Variants in EFCAB12 observed in about 807,000 individuals in gnomAD.
EFCAB12 encodes the protein EF-hand calcium binding domain 12, also known as EF-hand calcium-binding domain-containing protein 12.
In EFCAB12, 43 loss-of-function variants were observed where a neutral mutation model predicts 53.6. The ratio of observed to expected loss-of-function variants is 0.80; its 90% CI spans 0.63 to 1.03. The LOEUF is 1.03. Ranked by LOEUF, EFCAB12 falls within the 50% of genes least tolerant of loss-of-function variation. EFCAB12 has a pLI of 0.00. For synonymous variants in EFCAB12, 269 were observed against 289.2 expected (o/e 0.93, Z 0.71); for missense variants, 646 against 730.6 (o/e 0.88, Z 1.34).
At chr3:129,424,509 T>C (rs2072228088) in intron 1 of EFCAB12, among the ~76,000 whole-genome samples, 1 of 152,222 alleles carries the variant, frequency 6.6e-6, no homozygotes, top group East Asian at 1.9e-4. Context: ...ATTGTAAGTT[T>C]CCTGAGGCCT....
chr3:129,402,688 C>A, intron 7 of EFCAB12, 109 bp from the exon 8 acceptor site: 1 of 1,063,502 alleles, frequency 9.4e-7, no homozygotes. Context: ...AAGTCTCAAA[C>A]GAGAGCTCTG....
chr3:129,401,947 T>A, intron 8 of EFCAB12, 96 bp from the exon 9 acceptor site: 1 of 1,484,454 alleles, frequency 6.7e-7, no homozygotes, highest in Non-Finnish European at 9.0e-7. Flanking sequence ...AAAGTGGAGA[T>A]TTAGCACTGT....
rs776508434 is a variant in EFCAB12, at chr3:129,415,306, G to A, written c.777C>T (p.Ala259=). The A allele has an allele frequency of 1.9e-6, 3 of 1,613,228 alleles. No individual in the cohort carries two copies. The highest frequency in any genetic ancestry group is 2.5e-6 in the Non-Finnish European group (3 of 1,179,834). The change falls in exon 4 of 9, where the codon GCC becomes GCT. Residue 259 remains alanine (A), a synonymous_variant. Coordinates refer to ENST00000505956, the MANE Select transcript of EFCAB12 (RefSeq NM_207307.3). ...CCATAGACCACTGCTTGTAGGTATT[G>A]GCCAGGATATCCATGGTGATGGTGT... ...KHNTITMDIL[A]NTYKQWSMAQ... is the part of the protein sequence containing the mutation.
At position 129,401,691 on chromosome 3, in the gene EFCAB12, G is replaced by C; in HGVS notation, c.1621C>G (p.Pro541Ala). 1 of 1,591,534 alleles carries C rather than the reference G, an allele frequency of 6.3e-7. No homozygotes were observed. Among genetic ancestry groups the C allele is most frequent in the Non-Finnish European group, 8.6e-7 (1 of 1,169,040 alleles). The change falls in exon 9 of 9, where the codon CCA (proline) becomes GCA (alanine). Residue 541 changes from proline to alanine, a missense_variant. Physicochemically the swap from Pro to Ala is conservative, Grantham distance 27 (BLOSUM62 -1). Transcript: ENST00000505956. ...CAGTGGTCAGGGTGGTAGGTGGCTG[G>C]GTAGACATGGGGCTGGTGTTGAACA... ...SCVQHQPHVY[P>A]ATYHPDHWWP... is the part of the protein sequence containing the mutation.
intron 1 of EFCAB12, 140 bp from the exon 2 acceptor site, chr3:129,421,943 C>A: frequency 1.1e-6 from 1 of 888,148 alleles, no homozygotes; most frequent in East Asian, 2.7e-5. Context: ...TTGCTGTAAT[C>A]GTAAGGATAA....
chr3:129,406,215 G>A (rs1033681607), intron 6 of EFCAB12, among the ~76,000 whole-genome samples: 2 of 152,074 alleles, frequency 1.3e-5, no homozygotes, highest in Admixed American at 6.5e-5. Context: ...TAAATAATCC[G>A]GAAAGGTGAG....
chr3:129,409,588 T>C (rs2072004039), intron 5 of EFCAB12, among the ~76,000 whole-genome samples: 1 of 152,174 alleles, frequency 6.6e-6, no homozygotes, highest in South Asian at 2.1e-4. Flanking sequence ...CACCACCTTG[T>C]TTTTTAACAA....
chr3:129,402,543 C>T lies in EFCAB12; in HGVS notation c.1440G>A (p.Lys480=). 1 of 1,613,076 alleles carries T rather than the reference C, an allele frequency of 6.2e-7. No individual in the cohort carries two copies. The highest frequency in any genetic ancestry group is 8.5e-7 in the Non-Finnish European group (1 of 1,179,464). ...TPKKSKKMRF[K]EFEEFTRKLK... ...CAGACCTGGTAAATTCCTCAAACTC[C>T]TTAAAGCGCATTTTCTTGCTTTTCT... The change falls in exon 8 of 9, where the codon AAG becomes AAA. Residue 480 remains lysine (K), a synonymous_variant. Coordinates refer to ENST00000505956, the MANE Select transcript of EFCAB12 (RefSeq NM_207307.3).
intron 1 of EFCAB12, among the ~76,000 whole-genome samples, chr3:129,424,766 C>G (rs1484158707): frequency 6.6e-6 from 1 of 152,162 alleles, no homozygotes; most frequent in Non-Finnish European, 1.5e-5. Context: ...TTGAGAATCC[C>G]CCAGGGCTTG....
chr3:129,408,769 G>A lies in EFCAB12; in HGVS notation c.1125C>T (p.Thr375=), dbSNP rs1448846074. Residue 375 remains threonine (T), a synonymous_variant, in exon 6 of 9, where the codon ACC becomes ACT. Coordinates refer to ENST00000505956, the MANE Select transcript of EFCAB12 (RefSeq NM_207307.3). The part of the protein sequence containing the change: ...RHFDEHCLPS[T]IHGDMRELID... ...TGAGCTCCCTCATATCCCCGTGGATGGTGGACGGGAGGCAGTGCTCATCAA... is the reference window on the plus strand; with the variant it reads ...TGAGCTCCCTCATATCCCCGTGGATAGTGGACGGGAGGCAGTGCTCATCAA... 1 of 1,580,452 alleles carries A rather than the reference G, an allele frequency of 6.3e-7. No homozygotes were observed. Among genetic ancestry groups the A allele is most frequent in the East Asian group, 2.3e-5 (1 of 43,132 alleles).
chr3:129,426,103 T>C (rs1435714799), intron 1 of EFCAB12, among the ~76,000 whole-genome samples: 3 of 152,208 alleles, frequency 2.0e-5, no homozygotes, highest in Non-Finnish European at 4.4e-5. Flanking sequence ...AATCTCTTGC[T>C]ATGTCCAATT....
intron 1 of EFCAB12, among the ~76,000 whole-genome samples, chr3:129,428,198 T>C (rs2072294194): frequency 1.3e-5 from 2 of 152,234 alleles, no homozygotes. Context: ...AATACATTAA[T>C]GTCCTGCAGA....
intron 7 of EFCAB12, chr3:129,403,225 C>G (rs146983985): frequency 1.3e-5 from 2 of 152,972 alleles, no homozygotes; most frequent in Non-Finnish European, 2.9e-5. Flanking sequence ...AGTCACAGCC[C>G]GTGTCATGGC....
chr3:129,404,431 C>T (rs925057367), intron 6 of EFCAB12, 28 bp from the exon 7 acceptor site: 2 of 1,583,310 alleles, frequency 1.3e-6, no homozygotes, highest in East Asian at 2.3e-5. Flanking sequence ...AACATCTGCA[C>T]CCATCAACCC....
intron 3 of EFCAB12, 95 bp downstream of exon 3, chr3:129,418,159 C>T (rs1577048747): frequency 1.6e-6 from 2 of 1,245,998 alleles, no homozygotes; most frequent in East Asian, 2.6e-5. Flanking sequence ...TGAACCAGAA[C>T]CCAGCATGGC....
At chr3:129,408,621 AG>A (rs1242135812) in intron 6 of EFCAB12, 23 bp downstream of exon 6, 1 of 1,552,902 alleles carries the variant, frequency 6.4e-7, no homozygotes, top group African/African-American at 1.4e-5. Flanking sequence ...GCATCTTCCT[AG>A]GGCCAGCTAC....
chr3:129,404,223 A>C (rs1273796530), intron 7 of EFCAB12, 27 bp downstream of exon 7: 1 of 1,603,870 alleles, frequency 6.2e-7, no homozygotes, highest in South Asian at 1.1e-5. Flanking sequence ...AGGCCAAGGC[A>C]GGGAGAAAGG....
At chr3:129,428,384 T>C in intron 1 of EFCAB12, 56 bp downstream of exon 1, 2 of 1,564,030 alleles carry the variant, frequency 1.3e-6, no homozygotes, top group South Asian at 1.2e-5. Context: ...CACCCCACTT[T>C]CACGCGTCCT....
At chr3:129,427,308 C>A (rs1441036271) in intron 1 of EFCAB12, among the ~76,000 whole-genome samples, 1 of 152,182 alleles carries the variant, frequency 6.6e-6, no homozygotes, top group Non-Finnish European at 1.5e-5. Context: ...GGATCTTAAA[C>A]TCAACCAACC....
Sources: allele counts gnomAD v4.1 joint callset (sites outside exome capture counted in the v4.1 genomes callset), GRCh38; gene constraint gnomAD v4.1.1; transcripts MANE v1.5; gene names NCBI Gene and HGNC (gene_info 2026-07-23, HGNC 2026-07-21).